The following GSN variants were observed in gnomAD, a reference collection of about 807,000 sequenced individuals.
The protein encoded by GSN is gelsolin.
A neutral mutation model predicts 85.7 loss-of-function variants in GSN; 56 were observed. That is an observed-to-expected ratio of 0.65 (90% CI 0.53 to 0.82). The LOEUF (loss-of-function observed/expected upper bound fraction) is 0.82. GSN is among the 40% of genes least tolerant of loss of function. GSN has a pLI of 0.00. For synonymous variants in GSN, 373 were observed against 399.1 expected, an observed-to-expected ratio of 0.93 and a Z score of 0.78; for missense variants, 857 against 979.8, an observed-to-expected ratio of 0.87 and a Z score of 1.67.
the GSN span, among the ~76,000 whole-genome samples, chr9:121,202,439 T>C: frequency 6.6e-6 from 1 of 152,222 alleles, no homozygotes; most frequent in Non-Finnish European, 1.5e-5. Context: ...AACTCTCTTG[T>C]CCAAGATCAC....
At chr9:121,257,557 T>C (rs769720446) in intron 6 of GSN, among the ~76,000 whole-genome samples, 1 of 152,158 alleles carries the variant, frequency 6.6e-6, no homozygotes, top group Non-Finnish European at 1.5e-5. Flanking sequence ...TCCCTGGAGA[T>C]GAAGTGATTA....
intron 5 of GSN, among the ~76,000 whole-genome samples, chr9:121,242,439 T>C (rs1564352664): frequency 6.6e-6 from 1 of 152,200 alleles, no homozygotes; most frequent in East Asian, 1.9e-4. Context: ...CGGCTGGGCC[T>C]GCTGTCCTCT....
At chr9:121,267,671 G>A (rs926099178), upstream of GSN, among the ~76,000 whole-genome samples, 1 of 152,132 alleles carries the variant, frequency 6.6e-6, no homozygotes, top group African/African-American at 2.4e-5. Flanking sequence ...GGAATGAGCT[G>A]GGAATCGCTC....
At chr9:121,327,523 G>A in intron 14 of GSN, 41 bp downstream of exon 14, 6 of 1,494,272 alleles carry the variant, frequency 4.0e-6, no homozygotes, top group Non-Finnish European at 5.4e-6. Flanking sequence ...TCCGGATGCA[G>A]CTATTAAGTT....
chr9:121,286,852 G>GCTGAA, intron 2 of GSN: 2 of 1,055,304 alleles, frequency 1.9e-6, no homozygotes, highest in Non-Finnish European at 2.8e-6. Flanking sequence ...GTAACCTTGG[G>GCTGAA]CTGAACCTCT....
chr9:121,310,181 G>A (rs147389784), intron 4 of GSN: 1 of 189,406 alleles, frequency 5.3e-6, no homozygotes, highest in East Asian at 1.3e-4. Flanking sequence ...CATAGGATTT[G>A]ACAGAGCCTT....
chr9:121,290,265 G>A (rs1345050438), intron 2 of GSN, among the ~76,000 whole-genome samples: 2 of 152,178 alleles, frequency 1.3e-5, no homozygotes, highest in Non-Finnish European at 1.5e-5. Context: ...ACCCACACGG[G>A]AGCCCAGCTT....
At position 121,321,189 on chromosome 9, in the gene GSN, C is replaced by T. The variant is rs561141854; in HGVS notation, c.1192-79C>T. The T allele has an allele frequency of 4.7e-6, 7 of 1,489,532 alleles. No homozygotes were observed. In the African/African-American group the frequency reaches 5.5e-5, roughly 12 times the overall value. 92.3% of individuals were successfully genotyped at this position (1,489,532 alleles called of 1,614,324 possible). On this transcript the variant is annotated intron_variant, in intron 10 of 17. Transcript: ENST00000432226. ...ATCCCATGGCCTAACCACAACCTAC[C>T]ACACTGCGGTTTCCTGGCTTGCCTG...
chr9:121,300,040 A>C, intron 2 of GSN: 1 of 1,558,254 alleles, frequency 6.4e-7, no homozygotes, highest in Non-Finnish European at 8.7e-7. Context: ...CTCCCGGAGT[A>C]ACTCTCTATT....
At chr9:121,268,138 C>G (rs1308393444), upstream of GSN, 1 of 151,686 alleles carries the variant, frequency 6.6e-6, no homozygotes, top group East Asian at 1.9e-4. Flanking sequence ...CCGCGCGCAC[C>G]ACAACGCCCC....
chr9:121,293,172 G>A (rs916291348), intron 2 of GSN, among the ~76,000 whole-genome samples: 14 of 152,204 alleles, frequency 9.2e-5, no homozygotes, highest in Non-Finnish European at 1.9e-4. Context: ...CAGCATTCCT[G>A]GTAGATCCCA....
chr9:121,241,199 G>A (rs1007489229), intron 5 of GSN, among the ~76,000 whole-genome samples: 2 of 152,200 alleles, frequency 1.3e-5, no homozygotes, highest in African/African-American at 4.8e-5. Flanking sequence ...CATCTATTAA[G>A]AGAAAACATC....
At position 121,310,848 on chromosome 9, in the gene GSN, G is replaced by A; in HGVS notation, c.513+3G>A. ...GCTTCATCCTGGACCTGGGCAACGTGAGTCCTGCTTTCCTCTTTCCCAGGA... is the reference window on the plus strand; with the variant it reads ...GCTTCATCCTGGACCTGGGCAACGTAAGTCCTGCTTTCCTCTTTCCCAGGA... On this transcript the variant is annotated splice_donor_region_variant and intron_variant, in intron 5 of 17. Coordinates refer to ENST00000432226, the MANE Select transcript of GSN (RefSeq NM_198252.3). 6.2e-7 allele frequency: 1 copy of A among 1,613,850 alleles called. No individual in the cohort carries two copies. Among genetic ancestry groups the A allele is most frequent in the Non-Finnish European group, 8.5e-7 (1 of 1,179,962 alleles).
In GSN at chr9:121,299,033, G is replaced by A. The variant is rs887302739; in HGVS notation, c.-9-2930G>A. ...ACAAGGGCTTGCTTAGAGACATGAC[G>A]GTAAACCCTGAACCATCAGCTAAAA... On this transcript the variant is annotated intron_variant, in intron 2 of 17. Transcript: ENST00000432226. The surrounding 1 kb of genome is among the most constrained non-coding windows in gnomAD (Gnocchi z 4.2). 2.6e-5 allele frequency among the ~76,000 whole-genome samples: 4 copies of A among 152,158 alleles called. No individual in the cohort carries two copies. The highest frequency in any genetic ancestry group is 5.9e-5 in the Non-Finnish European group (4 of 68,020).
intron 4 of GSN, among the ~76,000 whole-genome samples, chr9:121,228,420 ATATATTTTTTTTTT>A (rs1296160511): frequency 3.5e-5 from 2 of 56,976 alleles, no homozygotes; most frequent in Non-Finnish European, 5.9e-5. Context: ...ATATATATAT[ATATATTTTTTTTTT>A]TTTTTTTTTT....
intron 2 of GSN, chr9:121,300,220 C>A (rs887648958): frequency 3.6e-6 from 3 of 835,964 alleles, no homozygotes; most frequent in Non-Finnish European, 6.3e-6. Flanking sequence ...GCTAACCTCA[C>A]CTTGGCCGGA....
chr9:121,232,897 C>G (rs184933181), intron 5 of GSN, among the ~76,000 whole-genome samples: 1 of 152,192 alleles, frequency 6.6e-6, no homozygotes, highest in African/African-American at 2.4e-5. Context: ...ATGGCACTCT[C>G]AGCTTACAAT....
chr9:121,326,110 ATCT>A (rs2063134433), intron 12 of GSN, among the ~76,000 whole-genome samples: 1 of 148,842 alleles, frequency 6.7e-6, no homozygotes, highest in Non-Finnish European at 1.5e-5. Context: ...GGTTTTCTGG[ATCT>A]AGAATGCTCT....
At chr9:121,223,430 G>T (rs2054209692) in intron 4 of GSN, among the ~76,000 whole-genome samples, 1 of 152,072 alleles carries the variant, frequency 6.6e-6, no homozygotes, top group African/African-American at 2.4e-5. Flanking sequence ...GACCCCTATA[G>T]AATCAGGTAA....
Sources: gnomAD v4.1 joint callset for allele counts (sites outside exome capture counted in the v4.1 genomes callset) on GRCh38, gnomAD v4.1.1 for gene constraint, Gnocchi (gnomAD v3.1) non-coding constraint, MANE v1.5 for transcripts, NCBI Gene and HGNC (gene_info 2026-07-23, HGNC 2026-07-21) for gene names.